The following PARD3B variants were observed in gnomAD, a reference collection of about 807,000 sequenced individuals.
The protein encoded by PARD3B is partitioning defective 3 homolog B.
In PARD3B, 103 loss-of-function variants were observed where a neutral mutation model predicts 130.2. The ratio of observed to expected loss-of-function variants is 0.79; its 90% CI spans 0.67 to 0.93. The LOEUF is 0.93. PARD3B is among the 40% of genes least tolerant of loss of function. The pLI, the probability that PARD3B is intolerant of heterozygous loss-of-function variation, is 0.00. For synonymous variants in PARD3B, 583 were observed against 553.2 expected (o/e 1.05, Z -0.76); for missense variants, 1,609 against 1,499.2 (o/e 1.07, Z -1.21).
intron 2 of PARD3B, among the ~76,000 whole-genome samples, chr2:204,725,728 G>A (rs1488529354): frequency 6.6e-6 from 1 of 152,170 alleles, no homozygotes; most frequent in Non-Finnish European, 1.5e-5. Flanking sequence ...TCCATTGTTA[G>A]GGTATCCTTG....
chr2:205,539,156 G>A (rs940441158), intron 21 of PARD3B, among the ~76,000 whole-genome samples: 3 of 152,102 alleles, frequency 2.0e-5, no homozygotes, highest in Non-Finnish European at 4.4e-5. Context: ...AATCAGACAC[G>A]CATTAGGAGT....
rs1394395716 is a variant in PARD3B, at chr2:205,268,602, G to A, written c.2185+22780G>A. ...TGCTCTAATGCCACTAGTATTAGGA[G>A]GCGGTAATTTGCAGATAAAAAGTAA... On this transcript the variant is annotated intron_variant, in intron 16 of 22. Coordinates refer to ENST00000406610, the MANE Select transcript of PARD3B (RefSeq NM_001302769.2). The surrounding 1 kb of genome is among the most constrained non-coding windows in gnomAD (Gnocchi z 4.1). 6.6e-6 allele frequency among the ~76,000 whole-genome samples: 1 copy of A among 152,136 alleles called. No individual in the cohort carries two copies.
chr2:204,979,599 A>T (rs1215798400), intron 3 of PARD3B, among the ~76,000 whole-genome samples: 1 of 152,234 alleles, frequency 6.6e-6, no homozygotes, highest in Non-Finnish European at 1.5e-5. Flanking sequence ...AGAATTGACA[A>T]GACAGTCTTG....
intron 2 of PARD3B, among the ~76,000 whole-genome samples, chr2:204,728,923 C>G (rs1443222326): frequency 6.6e-6 from 1 of 152,030 alleles, no homozygotes; most frequent in Non-Finnish European, 1.5e-5. Flanking sequence ...GAGCCAGGCT[C>G]TAGAACATGG....
intron 2 of PARD3B, among the ~76,000 whole-genome samples, chr2:204,869,174 C>T (rs2045539097): frequency 6.6e-6 from 1 of 152,014 alleles, no homozygotes; most frequent in Non-Finnish European, 1.5e-5. Flanking sequence ...TTTTATGGGG[C>T]TTTGTAGCCC....
intron 22 of PARD3B, among the ~76,000 whole-genome samples, chr2:205,579,025 C>T (rs922621930): frequency 3.9e-5 from 6 of 152,088 alleles, no homozygotes; most frequent in Non-Finnish European, 8.8e-5. Flanking sequence ...TAAGAACACA[C>T]GTAACATAAT....
chr2:204,775,199 G>A (rs948349148), intron 2 of PARD3B, among the ~76,000 whole-genome samples: 3 of 152,076 alleles, frequency 2.0e-5, no homozygotes, highest in Non-Finnish European at 4.4e-5. Flanking sequence ...AAAAAGTGTC[G>A]TATAATACGT....
Position 205,287,974 on chromosome 2 carries a change from G to A in PARD3B, c.2186-12556G>A, listed in dbSNP as rs188393262. Among the ~76,000 whole-genome samples, 107 of 152,318 alleles carry A rather than the reference G, an allele frequency of 7.0e-4. 1 individual carries two copies. The East Asian group carries it at 0.02, about 28-fold the overall frequency. ...CTGAGTTACTGGGAAACTCCAGTATGCTGTCAGATTTCACAACAACATTAA... is the reference window on the plus strand; with the variant it reads ...CTGAGTTACTGGGAAACTCCAGTATACTGTCAGATTTCACAACAACATTAA... On this transcript the variant is annotated intron_variant, in intron 16 of 22. Coordinates refer to ENST00000406610, the MANE Select transcript of PARD3B (RefSeq NM_001302769.2). This position sits in a 1 kb window ranked among gnomAD's most constrained non-coding sequence, Gnocchi z 4.8.
At chr2:204,750,053 A>G (rs1405309219) in intron 2 of PARD3B, among the ~76,000 whole-genome samples, 2 of 152,210 alleles carry the variant, frequency 1.3e-5, no homozygotes, top group African/African-American at 2.4e-5. Flanking sequence ...TTTTCAAAGT[A>G]TGGCTCAACT....
rs117693591 is a variant in PARD3B at position 204,671,303 on chromosome 2, T to A, written c.121-14878T>A. ...TGTCTTAGAGTCTGGATCTTGCTCTTTTTCAGTTTCTCCAGAGATAATATC... is the reference window on the plus strand; with the variant it reads ...TGTCTTAGAGTCTGGATCTTGCTCTATTTCAGTTTCTCCAGAGATAATATC... On this transcript the variant is annotated intron_variant, in intron 1 of 22. Transcript: ENST00000406610. Among the ~76,000 whole-genome samples the A allele has an allele frequency of 2.4e-4, 36 of 152,266 alleles. No homozygotes were observed. In the East Asian group the frequency reaches 7.0e-3, roughly 29 times the overall value.
intron 2 of PARD3B, among the ~76,000 whole-genome samples, chr2:204,785,593 A>G (rs1234334692): frequency 6.6e-6 from 1 of 152,182 alleles, no homozygotes; most frequent in Non-Finnish European, 1.5e-5. Context: ...CAGAACCCTT[A>G]TGAGAGTTAT....
chr2:204,960,510 G>A (rs1278195381), intron 2 of PARD3B, among the ~76,000 whole-genome samples: 1 of 152,032 alleles, frequency 6.6e-6, no homozygotes, highest in South Asian at 2.1e-4. Context: ...GATACCTAGA[G>A]CATCTTAAGA....
intron 3 of PARD3B, among the ~76,000 whole-genome samples, chr2:205,046,697 A>G (rs991305204): frequency 3.9e-5 from 6 of 152,196 alleles, no homozygotes; most frequent in Admixed American, 3.9e-4. Flanking sequence ...GAGAAAATGC[A>G]TTTCAACTGT....
intron 19 of PARD3B, among the ~76,000 whole-genome samples, chr2:205,427,320 A>T (rs2047176712): frequency 6.6e-6 from 1 of 152,264 alleles, no homozygotes; most frequent in Non-Finnish European, 1.5e-5. Context: ...AAGATTTTTC[A>T]TTATGACATT....
chr2:205,013,553 C>T (rs1025213809), intron 3 of PARD3B, among the ~76,000 whole-genome samples: 1 of 152,064 alleles, frequency 6.6e-6, no homozygotes, highest in Non-Finnish European at 1.5e-5. Context: ...GTACGTTGGG[C>T]GTTGTAGGGT....
At chr2:204,683,786 T>C (rs1009189692) in intron 1 of PARD3B, among the ~76,000 whole-genome samples, 2 of 152,226 alleles carry the variant, frequency 1.3e-5, no homozygotes, top group Non-Finnish European at 1.5e-5. Flanking sequence ...GGAGTTCAAA[T>C]TGTAGTCTTT....
At chr2:205,174,540 C>G (rs1290572067) in intron 12 of PARD3B, among the ~76,000 whole-genome samples, 1 of 152,166 alleles carries the variant, frequency 6.6e-6, no homozygotes, top group Non-Finnish European at 1.5e-5. Flanking sequence ...CTGTGTTTCA[C>G]TGTGTCAGAG....
rs849119 is a variant in PARD3B, at chr2:205,160,374, G to A, written c.1620+1467G>A. On this transcript the variant is annotated intron_variant, in intron 11 of 22. Coordinates refer to ENST00000406610, the MANE Select transcript of PARD3B (RefSeq NM_001302769.2). The surrounding 1 kb of genome is among the most constrained non-coding windows in gnomAD (Gnocchi z 4.0). ...TTTCTCCTGCTCCTTGGATCAGCAG[G>A]CTAGCTGGCGCATGTCCCTCTCATG... Among the ~76,000 whole-genome samples the A allele has an allele frequency of 0.057, 8,724 of 152,182 alleles. 581 individuals carry two copies. Among genetic ancestry groups the A allele is most frequent in the African/African-American group, 0.16 (6,695 of 41,466 alleles).
chr2:205,389,164 G>T (rs1395097099), intron 18 of PARD3B, among the ~76,000 whole-genome samples: 1 of 151,964 alleles, frequency 6.6e-6, no homozygotes, highest in Non-Finnish European at 1.5e-5. Context: ...TGGTAGTTGA[G>T]AATCAGTTCC....
Sources: gnomAD v4.1 joint callset for allele counts (sites outside exome capture counted in the v4.1 genomes callset) on GRCh38, gnomAD v4.1.1 for gene constraint, Gnocchi (gnomAD v3.1) non-coding constraint, MANE v1.5 for transcripts, NCBI Gene and HGNC (gene_info 2026-07-23, HGNC 2026-07-21) for gene names.